Variants in NXN observed in about 807,000 individuals in gnomAD.
The protein encoded by NXN is nucleoredoxin 1.
In NXN, 16 loss-of-function variants were observed where a neutral mutation model predicts 48.6. The ratio of observed to expected loss-of-function variants is 0.33; its 90% CI spans 0.22 to 0.50. The LOEUF (loss-of-function observed/expected upper bound fraction) is 0.50. Among genes scored for constraint, NXN ranks in the 20% least tolerant of loss-of-function variants. The pLI is 0.98. For missense variants in NXN, 492 were observed against 605.5 expected (o/e 0.81, Z 1.97); for synonymous variants, 281 against 269.6 (o/e 1.04, Z -0.41).
At chr17:856,634 G>C (rs2144765927) in intron 1 of NXN, among the ~76,000 whole-genome samples, 1 of 151,976 alleles carries the variant, frequency 6.6e-6, no homozygotes, top group South Asian at 2.1e-4. Context: ...GGGATTACAG[G>C]CACCCACCAC....
chr17:904,285 C>CCGGACGTCGGACGT (rs11280595), intron 1 of NXN, among the ~76,000 whole-genome samples: 4 of 148,664 alleles, frequency 2.7e-5, no homozygotes, highest in Non-Finnish European at 4.4e-5. Flanking sequence ...TGCGGGCTGC[C>CCGGACGTCGGACGT]CGGACGTCGG....
chr17:812,927 TGTGTGA>T (rs1912234121), intron 5 of NXN, among the ~76,000 whole-genome samples: 1 of 142,786 alleles, frequency 7.0e-6, no homozygotes, highest in African/African-American at 2.6e-5. Flanking sequence ...GGTGTGTGCG[TGTGTGA>T]GTGTGCATAT....
intron 1 of NXN, among the ~76,000 whole-genome samples, chr17:944,814 A>T (rs1395770427): frequency 6.6e-6 from 1 of 152,256 alleles, no homozygotes; most frequent in East Asian, 1.9e-4. Flanking sequence ...GAGGTCAAAA[A>T]TTGTTAAATC....
intron 5 of NXN, among the ~76,000 whole-genome samples, chr17:818,250 G>C (rs971350415): frequency 9.2e-5 from 14 of 152,082 alleles, no homozygotes; most frequent in Admixed American, 8.5e-4. Context: ...GACACGGTGA[G>C]ACCCTGACTT....
intron 1 of NXN, among the ~76,000 whole-genome samples, chr17:869,428 C>A (rs1210432271): frequency 6.6e-6 from 1 of 152,088 alleles, no homozygotes; most frequent in Non-Finnish European, 1.5e-5. Context: ...TCTGCTCCGA[C>A]CAACAGGGTT....
At chr17:925,662 G>T (rs1284575316) in intron 1 of NXN, among the ~76,000 whole-genome samples, 2 of 152,156 alleles carry the variant, frequency 1.3e-5, no homozygotes. Context: ...GTGCTGGGAT[G>T]ACAGGCGTGA....
intron 1 of NXN, among the ~76,000 whole-genome samples, chr17:914,540 G>C (rs930474283): frequency 6.6e-6 from 1 of 150,758 alleles, no homozygotes; most frequent in African/African-American, 2.4e-5. Context: ...GGCAAACACC[G>C]AGGTCTGTAA....
At chr17:970,383 G>A (rs947732928) in intron 1 of NXN, among the ~76,000 whole-genome samples, 1 of 152,012 alleles carries the variant, frequency 6.6e-6, no homozygotes, top group African/African-American at 2.4e-5. Context: ...GCTTTCCGTA[G>A]GATGAAGGGG....
chr17:843,044 GAAA>G (rs1914457840), intron 1 of NXN, among the ~76,000 whole-genome samples: 1 of 134,876 alleles, frequency 7.4e-6, no homozygotes, highest in African/African-American at 3.1e-5. Flanking sequence ...AAGAAAGAAA[GAAA>G]GAAAGAAAGA....
At chr17:954,333 A>G (rs905195704) in intron 1 of NXN, among the ~76,000 whole-genome samples, 1 of 151,714 alleles carries the variant, frequency 6.6e-6, no homozygotes, top group African/African-American at 2.4e-5. Context: ...GTGAGCCGAG[A>G]TCGCACCATT....
At chr17:918,018 C>A (rs140816409) in intron 1 of NXN, among the ~76,000 whole-genome samples, 6 of 152,204 alleles carry the variant, frequency 3.9e-5, no homozygotes, top group African/African-American at 1.2e-4. Flanking sequence ...AAACTCACTC[C>A]GTATTTGCAG....
At chr17:931,564 C>T (rs1476636990) in intron 1 of NXN, among the ~76,000 whole-genome samples, 1 of 152,180 alleles carries the variant, frequency 6.6e-6, no homozygotes, top group South Asian at 2.1e-4. Flanking sequence ...TGGCCGGGCG[C>T]AGTGGCTCAC....
At chr17:813,744 A>AG (rs1912307406) in intron 5 of NXN, among the ~76,000 whole-genome samples, 7 of 151,976 alleles carry the variant, frequency 4.6e-5, no homozygotes, top group Non-Finnish European at 8.8e-5. Context: ...CAAGGCGGGC[A>AG]CATCACGAGG....
intron 1 of NXN, chr17:877,874 GCA>G (rs2068234978): frequency 6.6e-6 from 1 of 152,366 alleles, no homozygotes; most frequent in Non-Finnish European, 1.5e-5. Context: ...GCAGAGCTCA[GCA>G]CACGTTTTTC....
At chr17:935,600 C>T (rs1199155420) in intron 1 of NXN, among the ~76,000 whole-genome samples, 3 of 152,176 alleles carry the variant, frequency 2.0e-5, no homozygotes, top group Non-Finnish European at 2.9e-5. Flanking sequence ...TCACTCCACA[C>T]GTGTTTACTG....
intron 5 of NXN, among the ~76,000 whole-genome samples, chr17:815,190 C>T (rs1031232446): frequency 4.6e-5 from 7 of 152,234 alleles, no homozygotes; most frequent in Non-Finnish European, 1.0e-4. Flanking sequence ...GTTTTGAAGG[C>T]GATGAGGCAC....
chr17:839,955 G>C (rs539329024), intron 1 of NXN, among the ~76,000 whole-genome samples: 3 of 151,750 alleles, frequency 2.0e-5, no homozygotes, highest in Admixed American at 6.6e-5. Context: ...CAATTAGCTG[G>C]GCAAGGAGAC....
chr17:848,150 T>G (rs1241815708), intron 1 of NXN, among the ~76,000 whole-genome samples: 1 of 151,468 alleles, frequency 6.6e-6, no homozygotes, highest in African/African-American at 2.4e-5. Flanking sequence ...GTTTTGTTTT[T>G]TTTTTGAGAC....
chr17:947,728 C>G (rs539967911), intron 1 of NXN, among the ~76,000 whole-genome samples: 126 of 134,280 alleles, frequency 9.4e-4, no homozygotes, highest in African/African-American at 3.4e-3. Flanking sequence ...GTGAGGCTCC[C>G]TCTCAAAAAA....
Sources: gnomAD v4.1 joint callset for allele counts (sites outside exome capture counted in the v4.1 genomes callset) on GRCh38, gnomAD v4.1.1 for gene constraint, MANE v1.5 for transcripts, NCBI Gene and HGNC (gene_info 2026-07-23, HGNC 2026-07-21) for gene names.